Variants in MTUS2 observed in about 807,000 individuals in gnomAD.
MTUS2 encodes the protein microtubule-associated tumor suppressor candidate 2.
A neutral mutation model predicts 114.1 loss-of-function variants in MTUS2; 40 were observed. That is an observed-to-expected ratio of 0.35 (90% CI 0.27 to 0.46). The LOEUF (loss-of-function observed/expected upper bound fraction) is 0.46, where lower values mean the gene tolerates loss of function less well. Ranked by LOEUF, MTUS2 falls within the 20% of genes least tolerant of loss-of-function variation. MTUS2 has a pLI of 1.00. For missense variants in MTUS2, 1,679 were observed against 1,705.4 expected, an observed-to-expected ratio of 0.98 and a Z score of 0.27; for synonymous variants, 688 against 672.0, an observed-to-expected ratio of 1.02 and a Z score of -0.37.
At chr13:29,362,762 T>G (rs1031548973) in intron 8 of MTUS2, among the ~76,000 whole-genome samples, 6 of 152,240 alleles carry the variant, frequency 3.9e-5, no homozygotes, top group African/African-American at 1.2e-4. Flanking sequence ...TATTTTTACC[T>G]GAATATGCTG....
chr13:28,820,265 C>T (rs1873792944), upstream of MTUS2: 1 of 147,140 alleles, frequency 6.8e-6, no homozygotes, highest in Non-Finnish European at 1.5e-5. Context: ...GGGCGGCGGC[C>T]TGGGCGGTGC....
chr13:29,363,927 T>C (rs1208521070), intron 8 of MTUS2, among the ~76,000 whole-genome samples: 5 of 152,160 alleles, frequency 3.3e-5, no homozygotes, highest in Non-Finnish European at 7.3e-5. Flanking sequence ...ATCATCCTCA[T>C]GTGATGCCTG....
intron 5 of MTUS2, among the ~76,000 whole-genome samples, chr13:29,224,083 C>G (rs920939647): frequency 1.3e-5 from 2 of 152,296 alleles, no homozygotes; most frequent in African/African-American, 4.8e-5. Context: ...GGAATGGGAT[C>G]CAGGCTGGTA....
At chr13:28,898,285 C>T (rs1436867531) in intron 2 of MTUS2, among the ~76,000 whole-genome samples, 1 of 152,090 alleles carries the variant, frequency 6.6e-6, no homozygotes, top group East Asian at 1.9e-4. Flanking sequence ...GGTGAGTGAG[C>T]CAAATTGGCT....
intron 2 of MTUS2, among the ~76,000 whole-genome samples, chr13:28,999,590 A>C (rs1726112586): frequency 6.6e-6 from 1 of 152,252 alleles, no homozygotes; most frequent in Non-Finnish European, 1.5e-5. Context: ...ACAGTTAGCA[A>C]ATCAGTCACA....
intron 4 of MTUS2, among the ~76,000 whole-genome samples, chr13:29,091,203 T>C (rs1382260828): frequency 6.6e-6 from 1 of 152,016 alleles, no homozygotes; most frequent in East Asian, 1.9e-4. Context: ...TGGGAGAAGC[T>C]CCCCCAGCTG....
At chr13:28,912,443 G>A (rs772302210) in intron 2 of MTUS2, among the ~76,000 whole-genome samples, 8 of 152,116 alleles carry the variant, frequency 5.3e-5, no homozygotes, top group Admixed American at 1.3e-4. Flanking sequence ...GTCAGGTAGC[G>A]TGATGCCTCC....
At chr13:29,218,863 C>T (rs886159880) in intron 5 of MTUS2, among the ~76,000 whole-genome samples, 23 of 151,782 alleles carry the variant, frequency 1.5e-4, no homozygotes, top group Admixed American at 3.3e-4. Flanking sequence ...CAGGCACAGA[C>T]GATTTAGCAT....
rs1003411478 is a variant in MTUS2 at position 29,504,937 on chromosome 13, G to T, written c.*1731G>T. 4.3e-6 allele frequency: 1 copy of T among 232,484 alleles called. No homozygotes were observed. Among genetic ancestry groups the T allele is most frequent in the Non-Finnish European group, 8.5e-6 (1 of 117,660 alleles). The allele number at this position is 232,484 out of a possible 1,614,324, so 14.4% of individuals were successfully genotyped here. A position where few individuals can be genotyped will look rare whatever the true frequency, so the allele number is the denominator to read the frequency against. On this transcript the variant is annotated 3_prime_UTR_variant, in exon 16 of 16. Coordinates refer to ENST00000612955, the MANE Select transcript of MTUS2 (RefSeq NM_001033602.4). ...CCTGCTCGGCACACGTGTTGCCAAC[G>T]TGAAGGCAGACATGGTCCCTGGCCC...
intron 2 of MTUS2, among the ~76,000 whole-genome samples, chr13:28,947,801 A>T (rs1882611368): frequency 6.6e-6 from 1 of 152,232 alleles, no homozygotes; most frequent in East Asian, 1.9e-4. Flanking sequence ...TCCTCAAAGA[A>T]AGGAAAATAA....
At chr13:29,003,924 CAT>C (rs1885491209) in intron 2 of MTUS2, among the ~76,000 whole-genome samples, 1 of 152,166 alleles carries the variant, frequency 6.6e-6, no homozygotes, top group African/African-American at 2.4e-5. Flanking sequence ...GTCTTCATGT[CAT>C]GTGTTTCAGA....
At chr13:28,959,687 A>G (rs1179393937) in intron 2 of MTUS2, among the ~76,000 whole-genome samples, 1 of 152,128 alleles carries the variant, frequency 6.6e-6, no homozygotes, top group African/African-American at 2.4e-5. Flanking sequence ...ACCAGATTCC[A>G]AGTGAACTCA....
At chr13:29,307,635 C>A in intron 6 of MTUS2, 1 of 1,161,290 alleles carries the variant, frequency 8.6e-7, no homozygotes, top group Non-Finnish European at 1.3e-6. Context: ...CCTCTGACTT[C>A]AACAGCGACA....
chr13:29,369,814 A>G lies in MTUS2; in HGVS notation c.3117+10341A>G, dbSNP rs369955029. On this transcript the variant is annotated intron_variant, in intron 8 of 15. Coordinates refer to ENST00000612955, the MANE Select transcript of MTUS2 (RefSeq NM_001033602.4). Reference sequence around the variant, plus strand: ...CATAAGTATTATGCTGACAAAATAGATAGGAGGTGATATTATTTCTCAAAT... The same window carrying G: ...CATAAGTATTATGCTGACAAAATAGGTAGGAGGTGATATTATTTCTCAAAT... 1.4e-4 allele frequency among the ~76,000 whole-genome samples: 22 copies of G among 152,338 alleles called. No homozygotes were observed. In the South Asian group the frequency reaches 3.9e-3, roughly 27 times the overall value.
intron 2 of MTUS2, among the ~76,000 whole-genome samples, chr13:28,869,912 T>C (rs1186877006): frequency 6.6e-6 from 1 of 152,218 alleles, no homozygotes; most frequent in East Asian, 1.9e-4. Context: ...AACTTTTAAG[T>C]GGATGCAGAC....
At chr13:29,448,809 A>G in intron 9 of MTUS2, among the ~76,000 whole-genome samples, 1 of 136,374 alleles carries the variant, frequency 7.3e-6, no homozygotes, top group Non-Finnish European at 1.5e-5. Context: ...ACTGGAGTGC[A>G]GTGGTGTGAC....
At chr13:28,913,880 C>A (rs1347161551) in intron 2 of MTUS2, among the ~76,000 whole-genome samples, 1 of 151,980 alleles carries the variant, frequency 6.6e-6, no homozygotes, top group African/African-American at 2.4e-5. Context: ...TCCATTTCTT[C>A]TGGATTTTCT....
intron 2 of MTUS2, among the ~76,000 whole-genome samples, chr13:28,935,587 C>T (rs1159298820): frequency 6.6e-6 from 1 of 152,052 alleles, no homozygotes; most frequent in African/African-American, 2.4e-5. Flanking sequence ...ATGCTGTCCT[C>T]TCGTGGTTAC....
chr13:29,389,301 A>ACACG lies in MTUS2; in HGVS notation c.3117+29828_3117+29829insCACG, dbSNP rs1566172182. Among the ~76,000 whole-genome samples, 44 of 136,630 alleles carry ACACG rather than the reference A, an allele frequency of 3.2e-4. 1 individual carries two copies. Among genetic ancestry groups the ACACG allele is most frequent in the African/African-American group, 1.5e-3 (44 of 30,040 alleles). 89.6% of individuals were successfully genotyped at this position (136,630 alleles called of 152,430 possible). On this transcript the variant is annotated intron_variant, in intron 8 of 15. Transcript: ENST00000612955. ...TATATGTATACACATATGTGTGTAT[A>ACACG]TGTGTATATATGTATACACATATGT...
Sources: gnomAD v4.1 joint callset for allele counts (sites outside exome capture counted in the v4.1 genomes callset) on GRCh38, gnomAD v4.1.1 for gene constraint, MANE v1.5 for transcripts, NCBI Gene and HGNC (gene_info 2026-07-23, HGNC 2026-07-21) for gene names.